Variants in KCNJ6 observed in about 807,000 individuals in gnomAD.
KCNJ6 encodes the protein G protein-activated inward rectifier potassium channel 2.
A neutral mutation model predicts 34.2 loss-of-function variants in KCNJ6; 9 were observed. The ratio of observed to expected loss-of-function variants is 0.26; its 90% confidence interval spans 0.16 to 0.46. KCNJ6 has a LOEUF of 0.46. Ranked by LOEUF, KCNJ6 falls within the 20% of genes least tolerant of loss-of-function variation. KCNJ6 has a pLI of 1.00. For synonymous variants in KCNJ6, 196 were observed against 207.1 expected (o/e 0.95, Z 0.46); for missense variants, 236 against 531.3 (o/e 0.44, Z 5.46).
chr21:37,664,721 C>A (rs1415627553), intron 3 of KCNJ6, among the ~76,000 whole-genome samples: 2 of 150,978 alleles, frequency 1.3e-5, no homozygotes, highest in Non-Finnish European at 2.9e-5. Flanking sequence ...GTGTTTTACT[C>A]TGAGTTTTCC....
intron 2 of KCNJ6, among the ~76,000 whole-genome samples, chr21:37,726,437 A>C (rs949624716): frequency 2.6e-5 from 4 of 152,190 alleles, no homozygotes; most frequent in Admixed American, 6.5e-5. Context: ...CACGTGGTAC[A>C]TGGAGTAGGG....
intron 2 of KCNJ6, among the ~76,000 whole-genome samples, chr21:37,769,577 C>T (rs549901555): frequency 6.6e-6 from 1 of 151,910 alleles, no homozygotes; most frequent in Admixed American, 6.6e-5. Flanking sequence ...CCCACTGAGA[C>T]GCCTCCGAGA....
intron 1 of KCNJ6, among the ~76,000 whole-genome samples, chr21:37,879,357 G>A (rs1209393453): frequency 2.0e-5 from 3 of 152,102 alleles, no homozygotes; most frequent in Non-Finnish European, 2.9e-5. Context: ...CCTGCAGCAC[G>A]TATGCTCCCA....
intron 1 of KCNJ6, among the ~76,000 whole-genome samples, chr21:37,871,075 C>T (rs1158078397): frequency 6.6e-6 from 1 of 152,090 alleles, no homozygotes; most frequent in African/African-American, 2.4e-5. Context: ...ATTTTCATTC[C>T]CTCCTCTTGA....
chr21:37,779,881 A>G (rs1366117922), intron 2 of KCNJ6, among the ~76,000 whole-genome samples: 1 of 152,188 alleles, frequency 6.6e-6, no homozygotes, highest in African/African-American at 2.4e-5. Flanking sequence ...ATGTGATTCC[A>G]TTTAACTGAG....
rs1273270877 is a variant in KCNJ6 at position 37,675,303 on chromosome 21, A to T, written c.946+38908T>A. Among the ~76,000 whole-genome samples the T allele has an allele frequency of 6.6e-6, 1 of 152,248 alleles. No homozygotes were observed. The highest frequency in any genetic ancestry group is 1.5e-5 in the Non-Finnish European group (1 of 68,036). On this transcript the variant is annotated intron_variant, in intron 3 of 3. Coordinates refer to ENST00000609713, the MANE Select transcript of KCNJ6 (RefSeq NM_002240.5). This position sits in a 1 kb window ranked among gnomAD's most constrained non-coding sequence, Gnocchi z 4.2. ...GTAAAGGCCACACAGATGAGACCTC[A>T]GAGAGGAAGGAATCAAGTTGGCGGG...
chr21:37,811,592 A>G (rs1312922227), intron 2 of KCNJ6, among the ~76,000 whole-genome samples: 1 of 152,180 alleles, frequency 6.6e-6, no homozygotes, highest in African/African-American at 2.4e-5. Flanking sequence ...GTTCTGTTTG[A>G]GAATGGAGAT....
chr21:37,733,597 C>T (rs1378074152), intron 2 of KCNJ6, among the ~76,000 whole-genome samples: 6 of 152,154 alleles, frequency 3.9e-5, no homozygotes, highest in Non-Finnish European at 8.8e-5. Flanking sequence ...GAAAAATATT[C>T]ACTTTTTTAG....
At chr21:37,676,036 A>C (rs116730090) in intron 3 of KCNJ6, among the ~76,000 whole-genome samples, 3,206 of 152,350 alleles carry the variant, frequency 0.021, 112 homozygotes, top group African/African-American at 0.073. Flanking sequence ...CTGAGCCTGC[A>C]TTTTAACAGG....
intron 3 of KCNJ6, among the ~76,000 whole-genome samples, chr21:37,650,526 G>T (rs564936620): frequency 3.9e-5 from 6 of 152,238 alleles, no homozygotes; most frequent in Admixed American, 3.9e-4. Flanking sequence ...ACTGTCCTGC[G>T]TGTCATTCCC....
At chr21:37,884,726 C>T (rs1303246929) in intron 1 of KCNJ6, among the ~76,000 whole-genome samples, 1 of 152,308 alleles carries the variant, frequency 6.6e-6, no homozygotes, top group African/African-American at 2.4e-5. Flanking sequence ...GCTCTCATCC[C>T]CAGGGACCTA....
In KCNJ6 at chr21:37,916,099, G is replaced by T. The variant is rs796812442; in HGVS notation, c.-243C>A. 5 of 152,370 alleles carry T rather than the reference G, an allele frequency of 3.3e-5. No homozygotes were observed. Among genetic ancestry groups the T allele is most frequent in the African/African-American group, 1.2e-4 (5 of 41,530 alleles). 9.4% of individuals were successfully genotyped at this position (152,370 alleles called of 1,614,324 possible). A position where few individuals can be genotyped will look rare whatever the true frequency, so the allele number is the denominator to read the frequency against. On this transcript the variant is annotated 5_prime_UTR_variant, in exon 1 of 4. Transcript: ENST00000609713. ...TCGCGGCTGCTCCGGCTCCAGGTCC[G>T]GCTTCCCGGCGTCCGCGGGTCTCCA...
At chr21:37,852,206 G>A (rs2055541106) in intron 1 of KCNJ6, among the ~76,000 whole-genome samples, 1 of 152,222 alleles carries the variant, frequency 6.6e-6, no homozygotes, top group African/African-American at 2.4e-5. Flanking sequence ...ACAGAGTGGA[G>A]ATTCTGAATT....
At chr21:37,824,830 A>G (rs2055391128) in intron 2 of KCNJ6, among the ~76,000 whole-genome samples, 1 of 151,788 alleles carries the variant, frequency 6.6e-6, no homozygotes, top group South Asian at 2.1e-4. Flanking sequence ...TAAATTACCC[A>G]GTTTCAGGTA....
chr21:37,818,533 T>C (rs1050011750), intron 2 of KCNJ6, among the ~76,000 whole-genome samples: 1 of 152,086 alleles, frequency 6.6e-6, no homozygotes, highest in Non-Finnish European at 1.5e-5. Context: ...ATTTACCACA[T>C]CCCCTCCTCC....
chr21:37,744,051 A>G (rs905987085), intron 2 of KCNJ6, among the ~76,000 whole-genome samples: 2 of 151,470 alleles, frequency 1.3e-5, no homozygotes, highest in African/African-American at 4.9e-5. Flanking sequence ...AATGGATAGT[A>G]TATCGCAAGG....
rs1359841307 is a variant in KCNJ6 at position 37,622,495 on chromosome 21, A to T, written c.*2664T>A. The T allele has an allele frequency of 6.6e-6, 1 of 152,240 alleles. No individual in the cohort carries two copies. Among genetic ancestry groups the T allele is most frequent in the Non-Finnish European group, 1.5e-5 (1 of 68,042 alleles). 9.4% of individuals were successfully genotyped at this position (152,240 alleles called of 1,614,324 possible). A position where few individuals can be genotyped will look rare whatever the true frequency, so the allele number is the denominator to read the frequency against. On this transcript the variant is annotated 3_prime_UTR_variant, in exon 4 of 4. Coordinates refer to ENST00000609713, the MANE Select transcript of KCNJ6 (RefSeq NM_002240.5). ...AAACTGTGTTAACAACTGTAGAAAA[A>T]TAGACATGTTTGATAGGGACATTCT...
chr21:37,699,449 C>T (rs1422472688), intron 3 of KCNJ6, among the ~76,000 whole-genome samples: 1 of 152,136 alleles, frequency 6.6e-6, no homozygotes, highest in Non-Finnish European at 1.5e-5. Flanking sequence ...ACCTCATATT[C>T]ATATTAATTA....
chr21:37,684,619 A>T (rs1398723686), intron 3 of KCNJ6, among the ~76,000 whole-genome samples: 1 of 152,240 alleles, frequency 6.6e-6, no homozygotes, highest in African/African-American at 2.4e-5. Flanking sequence ...TATTATTTGG[A>T]AACCATTGTT....
Sources: allele counts gnomAD v4.1 joint callset (sites outside exome capture counted in the v4.1 genomes callset), GRCh38; gene constraint gnomAD v4.1.1; non-coding constraint Gnocchi (gnomAD v3.1); transcripts MANE v1.5; gene names NCBI Gene and HGNC (gene_info 2026-07-23, HGNC 2026-07-21).